Variants in SEPTIN11 observed in about 807,000 individuals in gnomAD.
The protein encoded by SEPTIN11 is septin-11.
Under a neutral mutation model 51.4 loss-of-function variants are expected in SEPTIN11, and 25 were observed. The ratio of observed to expected loss-of-function variants is 0.49; its 90% CI spans 0.35 to 0.68. SEPTIN11 has a LOEUF of 0.68. Ranked by LOEUF, SEPTIN11 falls within the 30% of genes least tolerant of loss-of-function variation. The pLI is 0.00. For synonymous variants in SEPTIN11, 174 were observed against 184.1 expected, an observed-to-expected ratio of 0.95 and a Z score of 0.44; for missense variants, 381 against 520.8, an observed-to-expected ratio of 0.73 and a Z score of 2.61.
At chr4:76,963,794 CTTTA>C (rs909406920) in intron 1 of SEPTIN11, among the ~76,000 whole-genome samples, 20 of 152,026 alleles carry the variant, frequency 1.3e-4, no homozygotes, top group Admixed American at 3.3e-4. Context: ...CCAAGAAAAA[CTTTA>C]TTTATTTATT....
At chr4:76,966,089 GGA>G (rs1413021050) in intron 1 of SEPTIN11, among the ~76,000 whole-genome samples, 5 of 152,158 alleles carry the variant, frequency 3.3e-5, no homozygotes, top group Non-Finnish European at 5.9e-5. Flanking sequence ...TATGTTCCTG[GGA>G]GAGAAGGAAA....
At chr4:76,975,680 A>G (rs773047909) in intron 1 of SEPTIN11, among the ~76,000 whole-genome samples, 29 of 152,050 alleles carry the variant, frequency 1.9e-4, no homozygotes, top group East Asian at 3.9e-4. Context: ...CCAACCTCAC[A>G]TAGGTATGTG....
chr4:77,013,155 A>G (rs574196444), intron 4 of SEPTIN11, among the ~76,000 whole-genome samples: 1 of 152,222 alleles, frequency 6.6e-6, no homozygotes, highest in Non-Finnish European at 1.5e-5. Flanking sequence ...GCCGGATAAT[A>G]TCCAACACTA....
At chr4:76,968,175 G>A (rs1269651102) in intron 1 of SEPTIN11, among the ~76,000 whole-genome samples, 1 of 152,170 alleles carries the variant, frequency 6.6e-6, no homozygotes, top group East Asian at 1.9e-4. Flanking sequence ...TCGGCAGTGG[G>A]ACGATATAAA....
At chr4:77,016,958 A>G (rs1725355367) in intron 5 of SEPTIN11, among the ~76,000 whole-genome samples, 2 of 151,946 alleles carry the variant, frequency 1.3e-5, no homozygotes, top group Admixed American at 1.3e-4. Flanking sequence ...AGATTTGAGC[A>G]CCTGCAGATT....
At chr4:77,019,640 T>G (rs1353337580) in intron 6 of SEPTIN11, among the ~76,000 whole-genome samples, 1 of 152,192 alleles carries the variant, frequency 6.6e-6, no homozygotes, top group Non-Finnish European at 1.5e-5. Context: ...CCATCAACTA[T>G]GCAAAAAATG....
intron 1 of SEPTIN11, among the ~76,000 whole-genome samples, chr4:76,991,281 C>T (rs1723362212): frequency 6.6e-6 from 1 of 152,186 alleles, no homozygotes. Flanking sequence ...GAGAGCCTAG[C>T]ACCTCTTCCT....
chr4:77,012,848 C>G (rs1724975047), intron 4 of SEPTIN11, among the ~76,000 whole-genome samples: 1 of 152,192 alleles, frequency 6.6e-6, no homozygotes, highest in African/African-American at 2.4e-5. Flanking sequence ...GGCACAGACA[C>G]AGTAGTTTAC....
intron 7 of SEPTIN11, among the ~76,000 whole-genome samples, chr4:77,027,473 A>AT (rs1223337667): frequency 3.3e-5 from 5 of 152,196 alleles, no homozygotes; most frequent in African/African-American, 9.7e-5. Flanking sequence ...TGTGTGGTTC[A>AT]TTATAGATGT....
chr4:76,951,057 T>A (rs1481108923), intron 1 of SEPTIN11, among the ~76,000 whole-genome samples: 1 of 152,128 alleles, frequency 6.6e-6, no homozygotes, highest in Non-Finnish European at 1.5e-5. Flanking sequence ...CTCGGGAGAT[T>A]TTGTAGTTAC....
At chr4:77,032,852 C>T (rs1175520434) in intron 9 of SEPTIN11, among the ~76,000 whole-genome samples, 1 of 152,112 alleles carries the variant, frequency 6.6e-6, no homozygotes, top group Non-Finnish European at 1.5e-5. Flanking sequence ...ACAAACTTCC[C>T]AGTGTAGGGA....
intron 1 of SEPTIN11, among the ~76,000 whole-genome samples, chr4:76,982,163 A>T (rs1411442011): frequency 6.8e-6 from 1 of 147,550 alleles, no homozygotes; most frequent in Non-Finnish European, 1.5e-5. Context: ...GATAGATTCT[A>T]CCTCTTTCTT....
At chr4:76,972,452 GA>G (rs1191868153) in intron 1 of SEPTIN11, 3 of 152,186 alleles carry the variant, frequency 2.0e-5, no homozygotes, top group East Asian at 1.9e-4. Flanking sequence ...GAGAAGTACT[GA>G]ACTAATAAAT....
intron 1 of SEPTIN11, among the ~76,000 whole-genome samples, chr4:76,991,520 A>G (rs1183885426): frequency 1.3e-5 from 2 of 152,228 alleles, no homozygotes; most frequent in Non-Finnish European, 2.9e-5. Flanking sequence ...AATTTTCTGA[A>G]AAACTACCAG....
intron 1 of SEPTIN11, among the ~76,000 whole-genome samples, chr4:76,971,574 AT>A: frequency 6.6e-6 from 1 of 151,794 alleles, no homozygotes; most frequent in African/African-American, 2.4e-5. Flanking sequence ...TTAGATTTAG[AT>A]TTAGATTTAG....
In SEPTIN11 at chr4:76,949,826, G is replaced by A. The variant is rs1002852377; in HGVS notation, c.-78G>A. ...CGCGAGGGAGGCGCGAGGGAGGCGA[G>A]CCGGAGCCCGAGCACTAGCAGCAGC... is the stretch of plus-strand genomic sequence containing the variant. On this transcript the variant is annotated 5_prime_UTR_variant, in exon 1 of 10. Transcript: ENST00000264893. 6.2e-6 allele frequency: 9 copies of A among 1,457,682 alleles called. No individual in the cohort carries two copies. In the African/African-American group the frequency reaches 1.2e-4, roughly 19 times the overall value. The allele number at this position is 1,457,682 out of a possible 1,614,324, so 90.3% of individuals were successfully genotyped here. A position where few individuals can be genotyped will look rare whatever the true frequency, so the allele number is the denominator to read the frequency against.
rs1038102376 is a variant in SEPTIN11 at position 77,035,531 on chromosome 4, G to C, written c.*1019G>C. On this transcript the variant is annotated 3_prime_UTR_variant, in exon 10 of 10. Transcript: ENST00000264893. ...GTAGCACAAATTTGAGCGAGGCCTT[G>C]TCAATTTTAAGGTGGAAATAGGAAG... The C allele has an allele frequency of 6.1e-6, 6 of 985,244 alleles. No homozygotes were observed. Among genetic ancestry groups the C allele is most frequent in the Non-Finnish European group, 7.2e-6 (6 of 829,922 alleles). 61.0% of individuals were successfully genotyped at this position (985,244 alleles called of 1,614,324 possible).
At chr4:77,022,340 A>C (rs115080909) in intron 7 of SEPTIN11, among the ~76,000 whole-genome samples, 295 of 152,302 alleles carry the variant, frequency 1.9e-3, no homozygotes, top group Non-Finnish European at 3.0e-3. Flanking sequence ...CTGCTACGCT[A>C]CAAGTTCTTA....
intron 2 of SEPTIN11, among the ~76,000 whole-genome samples, chr4:76,997,659 C>G (rs998447277): frequency 4.6e-5 from 7 of 152,126 alleles, no homozygotes; most frequent in Non-Finnish European, 8.8e-5. Context: ...CATGCTTTCC[C>G]CTTTTCCCTA....
Sources: gnomAD v4.1 joint callset for allele counts (sites outside exome capture counted in the v4.1 genomes callset) on GRCh38, gnomAD v4.1.1 for gene constraint, MANE v1.5 for transcripts, NCBI Gene and HGNC (gene_info 2026-07-23, HGNC 2026-07-21) for gene names.